CORO2B: variants seen among roughly 807,000 people sequenced by gnomAD.
CORO2B encodes coronin 2B, also known as coronin-2B.
In CORO2B, 26 loss-of-function variants were observed where a neutral mutation model predicts 58.8. The observed-to-expected ratio is 0.44, with a 90% CI of 0.32 to 0.61. The LOEUF is 0.61. CORO2B is among the 20% of genes least tolerant of loss of function. The pLI is 0.04. For synonymous variants in CORO2B, 242 were observed against 253.8 expected, an observed-to-expected ratio of 0.95 and a Z score of 0.44; for missense variants, 460 against 645.1, an observed-to-expected ratio of 0.71 and a Z score of 3.11.
intron 1 of CORO2B, among the ~76,000 whole-genome samples, chr15:68,644,074 A>C (rs749318830): frequency 3.3e-5 from 5 of 152,118 alleles, no homozygotes; most frequent in Non-Finnish European, 7.4e-5. Flanking sequence ...AAAAAAACCA[A>C]CTACAAAGTA....
upstream of CORO2B, among the ~76,000 whole-genome samples, chr15:68,575,217 A>G (rs886730263): frequency 6.6e-6 from 1 of 152,200 alleles, no homozygotes; most frequent in Non-Finnish European, 1.5e-5. Flanking sequence ...ACAATGGGGA[A>G]GAGGAGGGTG....
chr15:68,663,244 A>G (rs1902073610), intron 2 of CORO2B, among the ~76,000 whole-genome samples: 1 of 152,200 alleles, frequency 6.6e-6, no homozygotes, highest in Admixed American at 6.5e-5. Context: ...GCTCATTTTT[A>G]TAGCTACACA....
rs1892988325 is a variant in CORO2B at position 68,714,556 on chromosome 15, C to T, written c.766-3C>T. 6.2e-7 allele frequency: 1 copy of T among 1,612,356 alleles called. No homozygotes were observed. Among genetic ancestry groups the T allele is most frequent in the Admixed American group, 1.7e-5 (1 of 59,994 alleles). Reference sequence around the variant, plus strand: ...GAGGCTGAGACCAGCTCTTCTCCCTCAGGAGGACCTCTCCATGCCCCTGAT... The same window carrying T: ...GAGGCTGAGACCAGCTCTTCTCCCTTAGGAGGACCTCTCCATGCCCCTGAT... On this transcript the variant is annotated splice_region_variant and splice_polypyrimidine_tract_variant and intron_variant, in intron 6 of 11. Coordinates refer to ENST00000261861, the MANE Select transcript of CORO2B (RefSeq NM_006091.5).
chr15:68,704,817 G>C (rs563512913), intron 3 of CORO2B, among the ~76,000 whole-genome samples: 6 of 152,228 alleles, frequency 3.9e-5, no homozygotes, highest in Non-Finnish European at 7.4e-5. Context: ...AGCAAGGCAG[G>C]CTTGCTGGAG....
chr15:68,616,689 G>C (rs1453991903), intron 1 of CORO2B: 1 of 909,354 alleles, frequency 1.1e-6, no homozygotes, highest in Admixed American at 6.2e-5. Context: ...ATCTCCCATG[G>C]GCGAGGGCTA....
chr15:68,578,997 C>T lies in CORO2B; in HGVS notation c.-266C>T. ...GCCCTCTCCCTCTCTCCCTTTCTTCCTGCCTCGCCTTCCTGCGGCGAAGGA... is the reference window on the plus strand; with the variant it reads ...GCCCTCTCCCTCTCTCCCTTTCTTCTTGCCTCGCCTTCCTGCGGCGAAGGA... On this transcript the variant is annotated 5_prime_UTR_variant, in exon 1 of 12. Coordinates refer to ENST00000261861, the MANE Select transcript of CORO2B (RefSeq NM_006091.5). This position sits in a 1 kb window ranked among gnomAD's most constrained non-coding sequence, Gnocchi z 4.2. The T allele has an allele frequency of 5.1e-6, 5 of 984,434 alleles. No homozygotes were observed. The highest frequency in any genetic ancestry group is 6.0e-6 in the Non-Finnish European group (5 of 829,292). The allele number at this position is 984,434 out of a possible 1,614,324, so 61.0% of individuals were successfully genotyped here. A position where few individuals can be genotyped will look rare whatever the true frequency, so the allele number is the denominator to read the frequency against.
chr15:68,632,319 G>A (rs777302093), intron 1 of CORO2B: 46 of 985,314 alleles, frequency 4.7e-5, no homozygotes, highest in Admixed American at 3.1e-4. Context: ...AGCTTGTCTG[G>A]TGTCATCCAG....
chr15:68,715,414 G>A lies in CORO2B; in HGVS notation c.967+103G>A, dbSNP rs1234436224. On this transcript the variant is annotated intron_variant, in intron 8 of 11. Coordinates refer to ENST00000261861, the MANE Select transcript of CORO2B (RefSeq NM_006091.5). ...TTAAGTGGAAAATCAGACTCAGAAGGCCATAGCACATGGGCAAGTTGGAAC... is the reference window on the plus strand; with the variant it reads ...TTAAGTGGAAAATCAGACTCAGAAGACCATAGCACATGGGCAAGTTGGAAC... 8 of 811,214 alleles carry A rather than the reference G, an allele frequency of 9.9e-6. No individual in the cohort carries two copies. The East Asian group carries it at 1.5e-4, about 16-fold the overall frequency. The allele number at this position is 811,214 out of a possible 1,614,324, so 50.3% of individuals were successfully genotyped here. A position where few individuals can be genotyped will look rare whatever the true frequency, so the allele number is the denominator to read the frequency against.
the CORO2B span, among the ~76,000 whole-genome samples, chr15:68,547,963 G>A: frequency 6.6e-6 from 1 of 152,010 alleles, no homozygotes; most frequent in East Asian, 1.9e-4. Flanking sequence ...TTGAGGTCAG[G>A]AGTTCGAGAC....
At chr15:68,693,349 G>A (rs1018001137) in intron 2 of CORO2B, among the ~76,000 whole-genome samples, 1 of 152,222 alleles carries the variant, frequency 6.6e-6, no homozygotes, top group Non-Finnish European at 1.5e-5. Flanking sequence ...GGAAGTGCCA[G>A]GCATGTGCAG....
chr15:68,592,761 G>C (rs1899737805), intron 1 of CORO2B, among the ~76,000 whole-genome samples: 2 of 152,132 alleles, frequency 1.3e-5, no homozygotes, highest in Admixed American at 1.3e-4. Flanking sequence ...ACAGTATTCT[G>C]GTCTGTGTAC....
At chr15:68,644,167 C>T (rs1901347666) in intron 1 of CORO2B, among the ~76,000 whole-genome samples, 1 of 152,202 alleles carries the variant, frequency 6.6e-6, no homozygotes, top group Non-Finnish European at 1.5e-5. Flanking sequence ...GTTTGTCACT[C>T]ATGCAAAGTC....
intron 2 of CORO2B, among the ~76,000 whole-genome samples, chr15:68,663,776 C>T (rs1902092200): frequency 6.6e-6 from 1 of 152,058 alleles, no homozygotes; most frequent in South Asian, 2.1e-4. Flanking sequence ...AATGGATATC[C>T]AAATAGCCAA....
chr15:68,653,796 T>C (rs566916780), intron 2 of CORO2B, among the ~76,000 whole-genome samples: 6 of 152,066 alleles, frequency 3.9e-5, no homozygotes, highest in African/African-American at 1.2e-4. Flanking sequence ...CATTCCAGAT[T>C]TCTGTAACAC....
At chr15:68,722,145 T>C (rs1011877995) in intron 11 of CORO2B, among the ~76,000 whole-genome samples, 10 of 152,208 alleles carry the variant, frequency 6.6e-5, no homozygotes, top group Non-Finnish European at 1.2e-4. Flanking sequence ...GGGCCTGAGC[T>C]CAGTTCTGGC....
chr15:68,662,811 G>A lies in CORO2B; in HGVS notation c.216+17451G>A, dbSNP rs577529938. Among the ~76,000 whole-genome samples, 23 of 152,250 alleles carry A rather than the reference G, an allele frequency of 1.5e-4. 1 individual carries two copies. The highest frequency in any genetic ancestry group is 5.5e-4 in the African/African-American group (23 of 41,542). On this transcript the variant is annotated intron_variant, in intron 2 of 11. Coordinates refer to ENST00000261861, the MANE Select transcript of CORO2B (RefSeq NM_006091.5). ...CACCATGTATGATCTGAAAGTGTGT[G>A]TATGTTTTGATAAATTTCAGCTTCT...
the CORO2B span, among the ~76,000 whole-genome samples, chr15:68,557,208 A>G: frequency 2.6e-5 from 4 of 152,222 alleles, no homozygotes; most frequent in African/African-American, 9.6e-5. Flanking sequence ...AGGGATTCAT[A>G]GAGGATCACA....
At chr15:68,573,360 G>T in the CORO2B span, among the ~76,000 whole-genome samples, 1 of 152,088 alleles carries the variant, frequency 6.6e-6, no homozygotes, top group Admixed American at 6.5e-5. Context: ...GAGATGAGAA[G>T]GGCAGGAGGG....
intron 1 of CORO2B, among the ~76,000 whole-genome samples, chr15:68,581,887 G>A (rs1899436419): frequency 6.6e-6 from 1 of 152,142 alleles, no homozygotes. Flanking sequence ...TCATGGCTGG[G>A]TCCCAACTTC....
Sources: gnomAD v4.1 joint callset for allele counts (sites outside exome capture counted in the v4.1 genomes callset) on GRCh38, gnomAD v4.1.1 for gene constraint, Gnocchi (gnomAD v3.1) non-coding constraint, MANE v1.5 for transcripts, NCBI Gene and HGNC (gene_info 2026-07-23, HGNC 2026-07-21) for gene names.